CHSY1: variants seen among roughly 807,000 people sequenced by gnomAD.
The protein encoded by CHSY1 is chondroitin sulfate synthase 1.
A neutral mutation model predicts 59.8 loss-of-function variants in CHSY1; 13 were observed. The ratio of observed to expected loss-of-function variants is 0.22; its 90% CI spans 0.14 to 0.35. The LOEUF (loss-of-function observed/expected upper bound fraction) is 0.35. CHSY1 is among the 10% of genes least tolerant of loss of function. CHSY1 has a pLI of 1.00. For missense variants in CHSY1, 947 were observed against 1,030.6 expected (o/e 0.92, Z 1.11); for synonymous variants, 459 against 401.2 (o/e 1.14, Z -1.72).
intron 1 of CHSY1, among the ~76,000 whole-genome samples, chr15:101,238,914 G>C (rs12442277): frequency 0.048 from 7,297 of 152,230 alleles, 416 homozygotes; most frequent in East Asian, 0.19. Flanking sequence ...CACCTACAAA[G>C]GGACAAGTCC....
At chr15:101,215,899 A>C (rs1308368426) in intron 2 of CHSY1, among the ~76,000 whole-genome samples, 2 of 152,224 alleles carry the variant, frequency 1.3e-5, no homozygotes, top group African/African-American at 4.8e-5. Flanking sequence ...ATTACCATTA[A>C]GGTTAAGTAA....
intron 2 of CHSY1, among the ~76,000 whole-genome samples, chr15:101,193,446 T>C (rs922164733): frequency 6.6e-6 from 1 of 152,086 alleles, no homozygotes; most frequent in Non-Finnish European, 1.5e-5. Context: ...TTCAGAACAT[T>C]CATTTCTTCC....
At chr15:101,215,187 C>T (rs1042081558) in intron 2 of CHSY1, among the ~76,000 whole-genome samples, 3 of 152,116 alleles carry the variant, frequency 2.0e-5, no homozygotes, top group South Asian at 4.1e-4. Context: ...TGCCCTGTCT[C>T]GGGCATTTCT....
rs564689294 is a variant in CHSY1 at position 101,218,658 on chromosome 15, C to G, written c.816+16424G>C. On this transcript the variant is annotated intron_variant, in intron 2 of 2. Coordinates refer to ENST00000254190, the MANE Select transcript of CHSY1 (RefSeq NM_014918.5). ...GGCTGGGCGTGGTGGCTCATGCCAA[C>G]AGAAGGCTGAGGTGGGAGATTGTTT... Among the ~76,000 whole-genome samples the G allele has an allele frequency of 1.1e-4, 16 of 152,282 alleles. No homozygotes were observed. In the South Asian group the frequency reaches 3.3e-3, roughly 32 times the overall value.
At chr15:101,231,371 A>G (rs1199257846) in intron 2 of CHSY1, among the ~76,000 whole-genome samples, 1 of 152,210 alleles carries the variant, frequency 6.6e-6, no homozygotes, top group Admixed American at 6.5e-5. Flanking sequence ...TTGTTTGTAT[A>G]TGATATGATA....
chr15:101,203,786 C>T (rs1009891702), intron 2 of CHSY1, among the ~76,000 whole-genome samples: 1 of 152,128 alleles, frequency 6.6e-6, no homozygotes, highest in African/African-American at 2.4e-5. Context: ...GGACAAATAA[C>T]TACAAAATAA....
At chr15:101,209,375 A>T (rs1369799886) in intron 2 of CHSY1, among the ~76,000 whole-genome samples, 1 of 152,256 alleles carries the variant, frequency 6.6e-6, no homozygotes, top group Non-Finnish European at 1.5e-5. Flanking sequence ...GAAAGTGACT[A>T]AGGACATAAT....
chr15:101,179,609 C>T (rs369033515), intron 2 of CHSY1, among the ~76,000 whole-genome samples: 38 of 152,342 alleles, frequency 2.5e-4, no homozygotes, highest in Middle Eastern at 3.4e-3. Context: ...TGCTGGCCTC[C>T]TGCGTACGAG....
At chr15:101,179,798 G>A (rs1328029459) in intron 2 of CHSY1, among the ~76,000 whole-genome samples, 9 of 152,246 alleles carry the variant, frequency 5.9e-5, no homozygotes, top group Non-Finnish European at 1.0e-4. Flanking sequence ...GCCCCGTGGC[G>A]CAGGTTTTGG....
In CHSY1 at chr15:101,177,658, G is replaced by A. The variant is rs1390647106; in HGVS notation, c.2139C>T (p.Ile713=). 4 of 1,613,990 alleles carry A rather than the reference G, an allele frequency of 2.5e-6. No homozygotes were observed. In the Admixed American group the frequency reaches 6.7e-5, roughly 27 times the overall value. The change falls in exon 3 of 3, where the codon ATC becomes ATT. Residue 713 remains isoleucine (I), a synonymous_variant. Transcript: ENST00000254190. ...LVRVGGFDVS[I]QGWGLEDVDL... Reference sequence around the variant, plus strand: ...CCACATCCTCCAGCCCCCAGCCTTGGATGGAAACATCAAAGCCACCCACTC... The same window carrying A: ...CCACATCCTCCAGCCCCCAGCCTTGAATGGAAACATCAAAGCCACCCACTC...
intron 2 of CHSY1, among the ~76,000 whole-genome samples, chr15:101,192,435 T>C (rs1309073893): frequency 6.7e-6 from 1 of 148,188 alleles, no homozygotes; most frequent in Non-Finnish European, 1.5e-5. Flanking sequence ...CCCCACCTCC[T>C]ACCCCTCAGA....
intron 2 of CHSY1, among the ~76,000 whole-genome samples, chr15:101,190,593 T>C (rs2038430382): frequency 6.6e-6 from 1 of 152,180 alleles, no homozygotes; most frequent in Non-Finnish European, 1.5e-5. Flanking sequence ...ACACACTCCA[T>C]GTAAGAATTG....
chr15:101,221,091 G>C (rs764023223), intron 2 of CHSY1, among the ~76,000 whole-genome samples: 1 of 152,180 alleles, frequency 6.6e-6, no homozygotes, highest in Non-Finnish European at 1.5e-5. Context: ...CATCCCCATA[G>C]AGAAACAAAT....
Position 101,251,538 on chromosome 15 carries a change from C to T in CHSY1, c.-82G>A, listed in dbSNP as rs984864256. On this transcript the variant is annotated 5_prime_UTR_variant, in exon 1 of 3. Transcript: ENST00000254190. ...GCTGCCCCCGCCCGCGGAGGCCAGC[C>T]CGCCCTAGCGCCGCGAGGCCCGGCC... The T allele has an allele frequency of 2.6e-5, 6 of 230,048 alleles. No individual in the cohort carries two copies. The highest frequency in any genetic ancestry group is 9.6e-5 in the African/African-American group (4 of 41,786). The allele number at this position is 230,048 out of a possible 1,614,324, so 14.3% of individuals were successfully genotyped here.
At chr15:101,236,338 C>T (rs572621829) in intron 1 of CHSY1, among the ~76,000 whole-genome samples, 1 of 152,286 alleles carries the variant, frequency 6.6e-6, no homozygotes, top group Admixed American at 6.5e-5. Flanking sequence ...AAGTGGATCA[C>T]GGGGGCAGCT....
chr15:101,240,386 T>C (rs556747329), intron 1 of CHSY1, among the ~76,000 whole-genome samples: 1 of 152,322 alleles, frequency 6.6e-6, no homozygotes, highest in Non-Finnish European at 1.5e-5. Flanking sequence ...AGTTCCTTCA[T>C]TTTCATAAGC....
At chr15:101,198,487 A>G (rs564725119) in intron 2 of CHSY1, among the ~76,000 whole-genome samples, 1 of 152,222 alleles carries the variant, frequency 6.6e-6, no homozygotes, top group Non-Finnish European at 1.5e-5. Context: ...ACTATGATTT[A>G]AAAGCCAGTT....
At chr15:101,183,542 T>C (rs577272632) in intron 2 of CHSY1, among the ~76,000 whole-genome samples, 10 of 152,320 alleles carry the variant, frequency 6.6e-5, no homozygotes, top group African/African-American at 2.4e-4. Context: ...CAGGACTCAA[T>C]TTTACCTTGC....
intron 2 of CHSY1, among the ~76,000 whole-genome samples, chr15:101,212,660 C>T: frequency 6.6e-6 from 1 of 152,212 alleles, no homozygotes; most frequent in East Asian, 1.9e-4. Flanking sequence ...ATGTAATATA[C>T]ATCTTACAAG....
Sources: gnomAD v4.1 joint callset for allele counts (sites outside exome capture counted in the v4.1 genomes callset) on GRCh38, gnomAD v4.1.1 for gene constraint, MANE v1.5 for transcripts, NCBI Gene and HGNC (gene_info 2026-07-23, HGNC 2026-07-21) for gene names.